CLPTM1: variants seen among roughly 807,000 people sequenced by gnomAD.
The protein encoded by CLPTM1 is CLPTM1 regulator of GABA type A receptor forward trafficking.
In CLPTM1, 21 loss-of-function variants were observed where a neutral mutation model predicts 77.3. That is an observed-to-expected ratio of 0.27 (90% confidence interval 0.19 to 0.39). CLPTM1 has a LOEUF of 0.39. Ranked by LOEUF, CLPTM1 falls within the 10% of genes least tolerant of loss-of-function variation. The pLI is 1.00. For missense variants in CLPTM1, 642 were observed against 921.2 expected, an observed-to-expected ratio of 0.70 and a Z score of 3.92; for synonymous variants, 373 against 381.0, an observed-to-expected ratio of 0.98 and a Z score of 0.24.
At position 44,993,046 on chromosome 19, in the gene CLPTM1, G is replaced by C. The variant is rs745866590; in HGVS notation, c.*149G>C. 17 of 946,444 alleles carry C rather than the reference G, an allele frequency of 1.8e-5. No homozygotes were observed. The South Asian group carries it at 1.9e-4, about 11-fold the overall frequency. The allele number at this position is 946,444 out of a possible 1,614,324, so 58.6% of individuals were successfully genotyped here. ...CTCAGGTCAGGGCCCAGCGTGTGAT[G>C]TAGGGGCCGGGGCAGGCCAGGGTTT... On this transcript the variant is annotated 3_prime_UTR_variant, in exon 14 of 14. Coordinates refer to ENST00000337392, the MANE Select transcript of CLPTM1 (RefSeq NM_001294.4).
At position 44,992,478 on chromosome 19, in the gene CLPTM1, G is replaced by T. The variant is rs1971091523; in HGVS notation, c.1723+78G>T. 2.8e-5 allele frequency: 44 copies of T among 1,594,486 alleles called. No homozygotes were observed. In the South Asian group the frequency reaches 4.1e-4, roughly 15 times the overall value. ...GTCTTTAGGGCCCAGGCCTGAGGGG[G>T]TGCCACGGCCCCAGATGGGGTGCTC... On this transcript the variant is annotated intron_variant, in intron 13 of 13. Transcript: ENST00000337392. The surrounding 1 kb of genome is among the most constrained non-coding windows in gnomAD (Gnocchi z 7.7).
intron 5 of CLPTM1, among the ~76,000 whole-genome samples, chr19:44,980,929 C>G (rs1481162759): frequency 6.6e-6 from 1 of 151,832 alleles, no homozygotes; most frequent in South Asian, 2.1e-4. Flanking sequence ...GCTCTGCCTC[C>G]CGGGTTCACG....
intron 2 of CLPTM1, among the ~76,000 whole-genome samples, chr19:44,964,012 C>T (rs1173526660): frequency 1.3e-5 from 2 of 151,620 alleles, no homozygotes; most frequent in Non-Finnish European, 2.9e-5. Context: ...ATGATCCACC[C>T]GCCTCAGCCT....
chr19:44,961,254 A>G (rs1363181653), intron 1 of CLPTM1, among the ~76,000 whole-genome samples: 1 of 152,136 alleles, frequency 6.6e-6, no homozygotes, highest in Non-Finnish European at 1.5e-5. Context: ...GTAGCAGCTG[A>G]TAGTCTGGTT....
intron 2 of CLPTM1, among the ~76,000 whole-genome samples, chr19:44,966,565 TAAGAGCA>T (rs1157727535): frequency 1.3e-5 from 2 of 152,106 alleles, no homozygotes; most frequent in African/African-American, 4.8e-5. Context: ...AGATAGCGTG[TAAGAGCA>T]CAGCCCTGCT....
At chr19:44,974,377 T>C in intron 3 of CLPTM1, 62 bp from the exon 4 acceptor site, 3 of 1,545,710 alleles carry the variant, frequency 1.9e-6, no homozygotes, top group East Asian at 2.3e-5. Context: ...CATAGCTCTT[T>C]AGCCAGCCTG....
upstream of CLPTM1, chr19:44,954,729 C>G (rs2122221947): frequency 1.6e-6 from 2 of 1,236,144 alleles, no homozygotes; most frequent in East Asian, 3.8e-5. Context: ...AACGCGCATG[C>G]GTGCTAGGCA....
At chr19:44,963,840 A>T (rs1970584309) in intron 2 of CLPTM1, among the ~76,000 whole-genome samples, 2 of 141,126 alleles carry the variant, frequency 1.4e-5, no homozygotes, top group East Asian at 2.1e-4. Flanking sequence ...CTGGTCTCGA[A>T]CTCCCAACCT....
chr19:44,988,864 T>C (rs990473212), intron 9 of CLPTM1, among the ~76,000 whole-genome samples: 7 of 152,148 alleles, frequency 4.6e-5, no homozygotes, highest in Non-Finnish European at 1.0e-4. Context: ...GCAAGAGGAA[T>C]GAGTAGTAGT....
intron 1 of CLPTM1, among the ~76,000 whole-genome samples, 153 bp from the exon 2 acceptor site, chr19:44,961,810 C>A (rs533218597): frequency 6.6e-6 from 1 of 152,190 alleles, no homozygotes; most frequent in Non-Finnish European, 1.5e-5. Flanking sequence ...AGAAGAGGAC[C>A]GCACCTTCCC....
At chr19:44,954,863 G>C (rs1001823055), upstream of CLPTM1, 1 of 1,207,802 alleles carries the variant, frequency 8.3e-7, no homozygotes, top group Non-Finnish European at 1.1e-6. Flanking sequence ...TTGAACGAAA[G>C]AGTTGTCTTA....
intron 1 of CLPTM1, among the ~76,000 whole-genome samples, chr19:44,956,619 T>A (rs1287423661): frequency 6.6e-6 from 1 of 152,190 alleles, no homozygotes; most frequent in Non-Finnish European, 1.5e-5. Flanking sequence ...GAGTTAGTGC[T>A]GGAATGAAGG....
chr19:44,978,347 T>C (rs2122296265), intron 5 of CLPTM1, among the ~76,000 whole-genome samples: 1 of 148,736 alleles, frequency 6.7e-6, no homozygotes, highest in Middle Eastern at 3.6e-3. Context: ...GGAGGTTGCA[T>C]TGAGCTGAGA....
rs1188346301 is a variant in CLPTM1 at position 44,990,739 on chromosome 19, TCA to T, written c.1324-106_1324-105del. Reference sequence around the variant, plus strand: ...TTTTCTCACCAGGGGATTTTTTGGGTCACACATGGGGCAGGGGAACTGGGAAC... The same window carrying T: ...TTTTCTCACCAGGGGATTTTTTGGGTCACATGGGGCAGGGGAACTGGGAAC... On this transcript the variant is annotated intron_variant, in intron 10 of 13. Coordinates refer to ENST00000337392, the MANE Select transcript of CLPTM1 (RefSeq NM_001294.4). The surrounding 1 kb of genome is among the most constrained non-coding windows in gnomAD (Gnocchi z 4.8). 6 of 1,286,576 alleles carry T rather than the reference TCA, an allele frequency of 4.7e-6. No individual in the cohort carries two copies. The highest frequency in any genetic ancestry group is 6.6e-6 in the Non-Finnish European group (6 of 905,672). The allele number at this position is 1,286,576 out of a possible 1,614,324, so 79.7% of individuals were successfully genotyped here.
Position 44,990,509 on chromosome 19 carries a change from A to T in CLPTM1, c.1247A>T (p.Asn416Ile). The T allele has an allele frequency of 6.2e-7, 1 of 1,614,080 alleles. No individual in the cohort carries two copies. The highest frequency in any genetic ancestry group is 1.1e-5 in the South Asian group (1 of 91,076). Residue 416 changes from asparagine to isoleucine, a missense_variant, in exon 10 of 14, where the codon AAC becomes ATC. Physicochemically the swap from Asn to Ile is moderately radical, Grantham distance 149. Transcript: ENST00000337392. The surrounding 1 kb of genome is among the most constrained non-coding windows in gnomAD (Gnocchi z 4.8). ...CTCTACATCCTGGACAACGAGACCA[A>T]CTTCGTGGTCCAGGTCAGCGTCTTC... Reference protein sequence around the residue: ...VLLYILDNETNFVVQVSVFIG... With the variant: ...VLLYILDNETIFVVQVSVFIG...
At position 44,967,657 on chromosome 19, in the gene CLPTM1, C is replaced by CAA. The variant is rs35893621; in HGVS notation, c.186-5416_186-5415dup. Among the ~76,000 whole-genome samples the CAA allele has an allele frequency of 2.7e-4, 37 of 135,448 alleles. 1 individual carries two copies. Among genetic ancestry groups the CAA allele is most frequent in the Middle Eastern group, 3.9e-3 (1 of 258 alleles). 88.9% of individuals were successfully genotyped at this position (135,448 alleles called of 152,430 possible). On this transcript the variant is annotated intron_variant, in intron 2 of 13. Coordinates refer to ENST00000337392, the MANE Select transcript of CLPTM1 (RefSeq NM_001294.4). ...GGGCAACAAGAGTGAAACTCTGTCC[C>CAA]AAAAAAAAAAAAAAACAACTCATGA...
intron 1 of CLPTM1, among the ~76,000 whole-genome samples, chr19:44,957,650 C>T (rs1021811143): frequency 6.6e-6 from 1 of 152,160 alleles, no homozygotes; most frequent in African/African-American, 2.4e-5. Flanking sequence ...CGTGCAGATC[C>T]GAGAGCAGGA....
rs1200390367 is a variant in CLPTM1 at position 44,987,563 on chromosome 19, TCTC to T, written c.1038+142_1038+144del. 3 of 1,192,362 alleles carry T rather than the reference TCTC, an allele frequency of 2.5e-6. No homozygotes were observed. In the South Asian group the frequency reaches 4.5e-5, roughly 18 times the overall value. The allele number at this position is 1,192,362 out of a possible 1,614,324, so 73.9% of individuals were successfully genotyped here. A position where few individuals can be genotyped will look rare whatever the true frequency, so the allele number is the denominator to read the frequency against. ...CAGTTTCACAACCTCCCAGGTCCCTTCTCCACAGTGAAAGGAAGTGGGCACCCA... is the reference window on the plus strand; with the variant it reads ...CAGTTTCACAACCTCCCAGGTCCCTTCACAGTGAAAGGAAGTGGGCACCCA... On this transcript the variant is annotated intron_variant, in intron 8 of 13. Transcript: ENST00000337392.
At position 44,991,512 on chromosome 19, in the gene CLPTM1, A is replaced by G; in HGVS notation, c.1555+139A>G. The G allele has an allele frequency of 1.0e-6, 1 of 984,330 alleles. No individual in the cohort carries two copies. The highest frequency in any genetic ancestry group is 1.5e-6 in the Non-Finnish European group (1 of 669,264). 61.0% of individuals were successfully genotyped at this position (984,330 alleles called of 1,614,324 possible). A position where few individuals can be genotyped will look rare whatever the true frequency, so the allele number is the denominator to read the frequency against. On this transcript the variant is annotated intron_variant, in intron 12 of 13. Transcript: ENST00000337392. This position sits in a 1 kb window ranked among gnomAD's most constrained non-coding sequence, Gnocchi z 5.4. ...CTGGGATATAGGGAGGCCCGAGGGC[A>G]CACATGGCCCCATCTGGGGTCAGAG...
Sources: gnomAD v4.1 joint callset for allele counts (sites outside exome capture counted in the v4.1 genomes callset) on GRCh38, gnomAD v4.1.1 for gene constraint, Gnocchi (gnomAD v3.1) non-coding constraint, MANE v1.5 for transcripts, NCBI Gene and HGNC (gene_info 2026-07-23, HGNC 2026-07-21) for gene names.